The following ATRNL1 variants were observed in gnomAD, a reference collection of about 807,000 sequenced individuals.
The protein encoded by ATRNL1 is attractin-like protein 1.
A neutral mutation model predicts 182.7 loss-of-function variants in ATRNL1; 95 were observed. The ratio of observed to expected loss-of-function variants is 0.52; its 90% CI spans 0.44 to 0.62. The LOEUF is 0.62. Ranked by LOEUF, ATRNL1 falls within the 20% of genes least tolerant of loss-of-function variation. ATRNL1 has a pLI of 0.00. For synonymous variants in ATRNL1, 576 were observed against 568.3 expected, an observed-to-expected ratio of 1.01 and a Z score of -0.19; for missense variants, 1,471 against 1,679.5, an observed-to-expected ratio of 0.88 and a Z score of 2.17.
At chr10:115,728,298 CAAAAAAAAAAAAAAAA>C (rs58437496) in intron 27 of ATRNL1, among the ~76,000 whole-genome samples, 2 of 58,776 alleles carry the variant, frequency 3.4e-5, no homozygotes, top group East Asian at 5.8e-4. Flanking sequence ...GACTCCGCCT[CAAAAAAAAAAAAAAAA>C]AAAAAAAAAG....
chr10:115,684,781 G>A (rs1265609048), intron 26 of ATRNL1, among the ~76,000 whole-genome samples: 1 of 151,624 alleles, frequency 6.6e-6, no homozygotes. Flanking sequence ...CCCAAATTGT[G>A]ACCAAATAGT....
chr10:115,403,065 T>G (rs564710426), intron 20 of ATRNL1, among the ~76,000 whole-genome samples: 2 of 152,294 alleles, frequency 1.3e-5, no homozygotes, highest in Admixed American at 1.3e-4. Context: ...TTTCTCTATC[T>G]TGTTTTATCA....
chr10:115,446,365 CT>C (rs1554966690), intron 21 of ATRNL1, among the ~76,000 whole-genome samples: 1 of 151,896 alleles, frequency 6.6e-6, no homozygotes, highest in Non-Finnish European at 1.5e-5. Flanking sequence ...TACATTATTA[CT>C]TTTTTGTTCT....
intron 26 of ATRNL1, among the ~76,000 whole-genome samples, chr10:115,686,995 C>G (rs1344781691): frequency 1.3e-5 from 2 of 151,934 alleles, no homozygotes; most frequent in African/African-American, 2.4e-5. Context: ...CTATTCATTA[C>G]CTCCAGAAAT....
intron 24 of ATRNL1, among the ~76,000 whole-genome samples, chr10:115,516,073 T>G (rs61880982): frequency 2.0e-5 from 3 of 151,898 alleles, no homozygotes; most frequent in Non-Finnish European, 4.4e-5. Flanking sequence ...GTTCCTTTGA[T>G]TTCCAAATTT....
chr10:115,755,958 G>C (rs553253941), intron 27 of ATRNL1, among the ~76,000 whole-genome samples: 22 of 152,088 alleles, frequency 1.4e-4, no homozygotes, highest in Non-Finnish European at 2.2e-4. Flanking sequence ...TTGCATAGAG[G>C]TGTTTATAGT....
rs186642549 is a variant in ATRNL1 at position 115,219,675 on chromosome 10, G to T, written c.1532+3795G>T. 2.6e-5 allele frequency among the ~76,000 whole-genome samples: 4 copies of T among 152,280 alleles called. No homozygotes were observed. In the East Asian group the frequency reaches 7.7e-4, roughly 29 times the overall value. ...GCCAGCACTTTGTGAGGCAGAGGCA[G>T]GTGGATTGCTTGAACTTAGGAGTTT... is the stretch of plus-strand genomic sequence containing the variant. On this transcript the variant is annotated intron_variant, in intron 9 of 28. Coordinates refer to ENST00000355044, the MANE Select transcript of ATRNL1 (RefSeq NM_207303.4).
At chr10:115,880,440 A>T (rs1170304652) in intron 28 of ATRNL1, among the ~76,000 whole-genome samples, 2 of 152,184 alleles carry the variant, frequency 1.3e-5, no homozygotes, top group African/African-American at 4.8e-5. Context: ...CCTGGCCAAC[A>T]TGGTGAAACC....
At chr10:115,246,553 CTTT>C (rs1226864852) in intron 10 of ATRNL1, among the ~76,000 whole-genome samples, 4 of 117,928 alleles carry the variant, frequency 3.4e-5, no homozygotes, top group African/African-American at 3.4e-5. Context: ...CTCTCTCATT[CTTT>C]TTTTTTTTTT....
chr10:115,216,658 T>G (rs1849246995), intron 9 of ATRNL1, among the ~76,000 whole-genome samples: 1 of 151,920 alleles, frequency 6.6e-6, no homozygotes, highest in Non-Finnish European at 1.5e-5. Flanking sequence ...TTGTTCTAAT[T>G]TTTCTTTGTA....
At chr10:115,244,635 A>C (rs959950932) in intron 10 of ATRNL1, among the ~76,000 whole-genome samples, 1 of 152,292 alleles carries the variant, frequency 6.6e-6, no homozygotes, top group East Asian at 1.9e-4. Context: ...TTAATGTTCT[A>C]GTTTGTAAAT....
intron 25 of ATRNL1, 100 bp downstream of exon 25, chr10:115,519,424 G>A (rs140187197): frequency 1.1e-6 from 1 of 913,564 alleles, no homozygotes; most frequent in African/African-American, 1.7e-5. Context: ...AAACCTTAAA[G>A]TATCATAGAG....
At chr10:115,609,291 C>T (rs558203330) in intron 26 of ATRNL1, among the ~76,000 whole-genome samples, 111 of 152,192 alleles carry the variant, frequency 7.3e-4, no homozygotes, top group African/African-American at 2.4e-3. Flanking sequence ...GAGTATTTGT[C>T]AGTGGAGTAG....
chr10:115,688,924 G>A (rs79568187), intron 26 of ATRNL1, among the ~76,000 whole-genome samples: 6 of 151,994 alleles, frequency 3.9e-5, no homozygotes, highest in Non-Finnish European at 8.8e-5. Context: ...TAGTTTTATA[G>A]TTTTGGGTCT....
intron 19 of ATRNL1, among the ~76,000 whole-genome samples, chr10:115,383,635 T>A (rs1858161244): frequency 1.3e-5 from 2 of 151,968 alleles, no homozygotes; most frequent in South Asian, 4.1e-4. Context: ...ATTGCAAAAT[T>A]CAGCATCGAA....
intron 18 of ATRNL1, among the ~76,000 whole-genome samples, chr10:115,332,191 T>C (rs2134067523): frequency 6.6e-6 from 1 of 152,290 alleles, no homozygotes; most frequent in East Asian, 1.9e-4. Context: ...CCCTGAGTCC[T>C]GGAGACCTTT....
chr10:115,786,137 A>G (rs1949391423), intron 27 of ATRNL1, among the ~76,000 whole-genome samples: 1 of 152,038 alleles, frequency 6.6e-6, no homozygotes, highest in Non-Finnish European at 1.5e-5. Context: ...TTATATTTCT[A>G]CTAATATTCT....
At chr10:115,401,851 G>A (rs374282514) in intron 20 of ATRNL1, among the ~76,000 whole-genome samples, 59 of 152,134 alleles carry the variant, frequency 3.9e-4, no homozygotes, top group African/African-American at 1.1e-3. Context: ...AGTTTCTACC[G>A]CATACATTTT....
chr10:115,891,533 G>A (rs1367175859), intron 28 of ATRNL1, among the ~76,000 whole-genome samples: 3 of 152,190 alleles, frequency 2.0e-5, no homozygotes, highest in Non-Finnish European at 4.4e-5. Flanking sequence ...AGATGAAGAT[G>A]ACTGAGTTGC....
Sources: allele counts gnomAD v4.1 joint callset (sites outside exome capture counted in the v4.1 genomes callset), GRCh38; gene constraint gnomAD v4.1.1; transcripts MANE v1.5; gene names NCBI Gene and HGNC (gene_info 2026-07-23, HGNC 2026-07-21).